Variants in LZTS1 observed in about 807,000 individuals in gnomAD.
LZTS1 encodes the protein leucine zipper tumor suppressor 1, also known as leucine zipper putative tumor suppressor 1.
Under a neutral mutation model 45.8 loss-of-function variants are expected in LZTS1, and 31 were observed. The observed-to-expected ratio is 0.68, with a 90% CI of 0.51 to 0.91. The LOEUF (loss-of-function observed/expected upper bound fraction) is 0.91, where lower values mean the gene tolerates loss of function less well. LZTS1 is among the 40% of genes least tolerant of loss of function. The pLI is 0.00. For synonymous variants in LZTS1, 359 were observed against 357.3 expected (o/e 1.00, Z -0.05); for missense variants, 821 against 788.9 (o/e 1.04, Z -0.49).
At chr8:20,300,243 G>T (rs568452484) in intron 1 of LZTS1, among the ~76,000 whole-genome samples, 113 of 152,274 alleles carry the variant, frequency 7.4e-4, no homozygotes, top group African/African-American at 2.6e-3. Context: ...CCTGCCAAAG[G>T]TCTCTGAGAG....
At chr8:20,295,271 G>A (rs1800962339) in intron 1 of LZTS1, among the ~76,000 whole-genome samples, 1 of 152,200 alleles carries the variant, frequency 6.6e-6, no homozygotes, top group Non-Finnish European at 1.5e-5. Flanking sequence ...ATCACCCCCA[G>A]CCTTCTGCAC....
chr8:20,277,889 G>C (rs1389335015), intron 1 of LZTS1, among the ~76,000 whole-genome samples: 2 of 152,294 alleles, frequency 1.3e-5, no homozygotes, highest in South Asian at 4.1e-4. Context: ...CTGGAGGGAA[G>C]GCTGGGAGCA....
chr8:20,280,274 G>A (rs1429331801), intron 1 of LZTS1, among the ~76,000 whole-genome samples: 1 of 152,160 alleles, frequency 6.6e-6, no homozygotes, highest in African/African-American at 2.4e-5. Flanking sequence ...CCCAGTAATA[G>A]TGCTAATTGG....
intron 1 of LZTS1, among the ~76,000 whole-genome samples, chr8:20,292,292 C>T (rs1414563778): frequency 3.9e-5 from 6 of 152,210 alleles, no homozygotes; most frequent in Admixed American, 1.3e-4. Flanking sequence ...CACCTGGCAT[C>T]AGGACACGTA....
At chr8:20,303,688 C>A in intron 1 of LZTS1, 52 bp downstream of exon 1, 1 of 985,448 alleles carries the variant, frequency 1.0e-6, no homozygotes, top group Non-Finnish European at 1.2e-6. Flanking sequence ...TTCCCGCAGC[C>A]AGGGCAGCAG....
chr8:20,271,603 T>C (rs1315339210), intron 1 of LZTS1, among the ~76,000 whole-genome samples: 1 of 152,154 alleles, frequency 6.6e-6, no homozygotes, highest in African/African-American at 2.4e-5. Context: ...GAGTGACTCA[T>C]AGGCCCCACT....
chr8:20,273,519 A>G (rs914049495), intron 1 of LZTS1, among the ~76,000 whole-genome samples: 1 of 152,162 alleles, frequency 6.6e-6, no homozygotes, highest in East Asian at 1.9e-4. Flanking sequence ...ATCTGCCTTC[A>G]GCGTGCCCCT....
intron 1 of LZTS1, among the ~76,000 whole-genome samples, chr8:20,261,973 G>T (rs796646163): frequency 3.3e-5 from 5 of 151,828 alleles, no homozygotes; most frequent in African/African-American, 1.2e-4. Context: ...CCCCCTCTCC[G>T]TCCCACACCT....
Position 20,303,958 on chromosome 8 carries a change from C to T in LZTS1, c.-353G>A. ...ACCCGCCAGCTCCAGGCGCGCCGGCCTCTGCGCGGGTCCCGGAGCCGGGGC... is the reference window on the plus strand; with the variant it reads ...ACCCGCCAGCTCCAGGCGCGCCGGCTTCTGCGCGGGTCCCGGAGCCGGGGC... On this transcript the variant is annotated 5_prime_UTR_variant, in exon 1 of 4. Coordinates refer to ENST00000381569, the MANE Select transcript of LZTS1 (RefSeq NM_021020.5). 1 of 958,922 alleles carries T rather than the reference C, an allele frequency of 1.0e-6. No individual in the cohort carries two copies. Among genetic ancestry groups the T allele is most frequent in the Non-Finnish European group, 1.2e-6 (1 of 807,278 alleles). 59.4% of individuals were successfully genotyped at this position (958,922 alleles called of 1,614,324 possible). A position where few individuals can be genotyped will look rare whatever the true frequency, so the allele number is the denominator to read the frequency against.
intron 1 of LZTS1, among the ~76,000 whole-genome samples, chr8:20,294,665 T>C (rs1464002370): frequency 2.6e-5 from 4 of 152,080 alleles, no homozygotes; most frequent in Non-Finnish European, 5.9e-5. Context: ...CCTCCTCCCC[T>C]TGCACTGTGG....
At chr8:20,297,603 A>T (rs1800997946) in intron 1 of LZTS1, among the ~76,000 whole-genome samples, 1 of 152,004 alleles carries the variant, frequency 6.6e-6, no homozygotes. Flanking sequence ...TTTAATAGAG[A>T]TGGGATTTCG....
At chr8:20,298,068 T>C (rs1278641456) in intron 1 of LZTS1, among the ~76,000 whole-genome samples, 1 of 152,054 alleles carries the variant, frequency 6.6e-6, no homozygotes, top group African/African-American at 2.4e-5. Flanking sequence ...TTTTGTTTTT[T>C]ATTTATTTTT....
chr8:20,250,890 C>T (rs978988076), intron 3 of LZTS1, among the ~76,000 whole-genome samples: 10 of 151,798 alleles, frequency 6.6e-5, no homozygotes, highest in Admixed American at 1.3e-4. Flanking sequence ...TGAGCCACCA[C>T]GCCTAGCCAC....
At chr8:20,251,140 T>TATATATATATATATATATATATATATAA (rs1563850986) in intron 3 of LZTS1, among the ~76,000 whole-genome samples, 3 of 86,466 alleles carry the variant, frequency 3.5e-5, no homozygotes, top group African/African-American at 1.5e-4. Flanking sequence ...TATATATATA[T>TATATATATATATATATATATATATATAA]ATATATATAA....
At position 20,264,527 on chromosome 8, in the gene LZTS1, A is replaced by T. The variant is rs944797445; in HGVS notation, c.-134-9212T>A. On this transcript the variant is annotated intron_variant, in intron 1 of 3. Transcript: ENST00000381569. The stretch of plus-strand genomic sequence containing the variant: ...CCCCTGAGTCACAGTTGGCTGTGTT[A>T]CCCTGGGGGAGGGGAGGAGAAGTTG... Among the ~76,000 whole-genome samples the T allele has an allele frequency of 2.0e-5, 3 of 152,212 alleles. No individual in the cohort carries two copies. In the South Asian group the frequency reaches 6.2e-4, roughly 32 times the overall value.
At chr8:20,254,419 C>G (rs559548713) in intron 2 of LZTS1, among the ~76,000 whole-genome samples, 1 of 152,184 alleles carries the variant, frequency 6.6e-6, no homozygotes, top group East Asian at 1.9e-4. Flanking sequence ...CCCACCCCCA[C>G]GAGTCTCCCG....
intron 1 of LZTS1, among the ~76,000 whole-genome samples, chr8:20,260,508 A>T (rs1392599179): frequency 2.0e-5 from 3 of 152,150 alleles, no homozygotes; most frequent in Admixed American, 2.0e-4. Context: ...CTAAAATCGC[A>T]CGCTGCAATT....
intron 1 of LZTS1, among the ~76,000 whole-genome samples, chr8:20,281,571 CA>C (rs1005903913): frequency 2.7e-5 from 4 of 148,606 alleles, no homozygotes; most frequent in South Asian, 4.3e-4. Context: ...AACTCTGTCT[CA>C]AAAAAAAAAG....
intron 1 of LZTS1, among the ~76,000 whole-genome samples, chr8:20,261,791 G>A (rs1800237225): frequency 6.6e-6 from 1 of 152,246 alleles, no homozygotes; most frequent in African/African-American, 2.4e-5. Context: ...GGCTGGGAAA[G>A]GAAGTGGAGG....
Sources: gnomAD v4.1 joint callset for allele counts (sites outside exome capture counted in the v4.1 genomes callset) on GRCh38, gnomAD v4.1.1 for gene constraint, MANE v1.5 for transcripts, NCBI Gene and HGNC (gene_info 2026-07-23, HGNC 2026-07-21) for gene names.